SH3RF3: variants seen among roughly 807,000 people sequenced by gnomAD.
SH3RF3 encodes SH3 domain containing ring finger 3.
A neutral mutation model predicts 66.3 loss-of-function variants in SH3RF3; 29 were observed. The ratio of observed to expected loss-of-function variants is 0.44; its 90% CI spans 0.33 to 0.60. The LOEUF (loss-of-function observed/expected upper bound fraction) is 0.60, where lower values mean the gene tolerates loss of function less well. SH3RF3 is among the 20% of genes least tolerant of loss of function. The pLI is 0.04. For synonymous variants in SH3RF3, 583 were observed against 532.0 expected, an observed-to-expected ratio of 1.10 and a Z score of -1.32; for missense variants, 1,194 against 1,190.9, an observed-to-expected ratio of 1.00 and a Z score of -0.04.
At chr2:109,221,396 A>C (rs1679236984) in intron 1 of SH3RF3, among the ~76,000 whole-genome samples, 1 of 152,196 alleles carries the variant, frequency 6.6e-6, no homozygotes, top group African/African-American at 2.4e-5. Context: ...CAGCCTGGCC[A>C]ATATGGCAAA....
chr2:109,187,891 G>C (rs1236713615), intron 1 of SH3RF3, among the ~76,000 whole-genome samples: 4 of 152,170 alleles, frequency 2.6e-5, no homozygotes, highest in Non-Finnish European at 5.9e-5. Context: ...CGTCACCGTG[G>C]GTGTTAAGCC....
At chr2:109,454,362 G>C (rs1677976757) in intron 8 of SH3RF3, among the ~76,000 whole-genome samples, 2 of 152,190 alleles carry the variant, frequency 1.3e-5, no homozygotes, top group South Asian at 4.1e-4. Flanking sequence ...CTCCTGAAGG[G>C]TCTGGGCCAT....
intron 1 of SH3RF3, among the ~76,000 whole-genome samples, chr2:109,295,945 C>G (rs920973965): frequency 6.6e-6 from 1 of 152,170 alleles, no homozygotes; most frequent in East Asian, 1.9e-4. Flanking sequence ...ACACTGCTCC[C>G]TCTGTGACTG....
rs190361663 is a variant in SH3RF3 at position 109,500,911 on chromosome 2, C to T, written c.2481-592C>T. Among the ~76,000 whole-genome samples, 190 of 152,270 alleles carry T rather than the reference C, an allele frequency of 1.2e-3. 1 individual carries two copies. Among genetic ancestry groups the T allele is most frequent in the Middle Eastern group, 3.4e-3 (1 of 294 alleles). On this transcript the variant is annotated intron_variant, in intron 9 of 9. Coordinates refer to ENST00000309415, the MANE Select transcript of SH3RF3 (RefSeq NM_001099289.3). ...GCTTCGGTGAGCTAGGATCATACCA[C>T]GGCACTCCAGCCTGGGTGGAAGAGC...
At chr2:109,263,145 C>T (rs11123732) in intron 1 of SH3RF3, among the ~76,000 whole-genome samples, 36,887 of 152,132 alleles carry the variant, frequency 0.24, 4,899 homozygotes, top group East Asian at 0.46. Flanking sequence ...CACGCCCAGC[C>T]GCAATCACTT....
At chr2:109,180,960 AC>A (rs1678059264) in intron 1 of SH3RF3, among the ~76,000 whole-genome samples, 1 of 152,144 alleles carries the variant, frequency 6.6e-6, no homozygotes. Flanking sequence ...CAATATGTTT[AC>A]CCTGATGCAA....
intron 1 of SH3RF3, chr2:109,313,554 A>G (rs886557702): frequency 1.3e-5 from 2 of 154,902 alleles, no homozygotes; most frequent in Admixed American, 6.5e-5. Context: ...TGAGGAAGAC[A>G]TTGAGGCCCA....
chr2:109,200,509 A>G (rs1488227375), intron 1 of SH3RF3, among the ~76,000 whole-genome samples: 4 of 152,046 alleles, frequency 2.6e-5, no homozygotes, highest in African/African-American at 9.7e-5. Flanking sequence ...CGGCGGGTCC[A>G]AGCCTCCGAC....
chr2:109,145,128 G>T lies in SH3RF3; in HGVS notation c.573+15015G>T, dbSNP rs148311900. Among the ~76,000 whole-genome samples the T allele has an allele frequency of 3.5e-3, 526 of 152,288 alleles. 3 individuals are homozygous for T. Among genetic ancestry groups the T allele is most frequent in the Middle Eastern group, 0.01 (3 of 294 alleles). Reference sequence around the variant, plus strand: ...GTCTTCCCTCACCGGCTCTGTCTGTGTCTCCAGGTTTGGTCATTTCTTTCT... The same window carrying T: ...GTCTTCCCTCACCGGCTCTGTCTGTTTCTCCAGGTTTGGTCATTTCTTTCT... On this transcript the variant is annotated intron_variant, in intron 1 of 9. Transcript: ENST00000309415.
intron 3 of SH3RF3, among the ~76,000 whole-genome samples, chr2:109,374,718 A>G (rs938274761): frequency 1.3e-5 from 2 of 152,228 alleles, no homozygotes; most frequent in African/African-American, 2.4e-5. Flanking sequence ...CTTGGATTGC[A>G]TGAAGGTCTC....
At chr2:109,205,201 C>T (rs894709490) in intron 1 of SH3RF3, among the ~76,000 whole-genome samples, 6 of 151,214 alleles carry the variant, frequency 4.0e-5, no homozygotes, top group Non-Finnish European at 7.4e-5. Flanking sequence ...AGTGAAACTC[C>T]GTCTCTAAAA....
At chr2:109,415,615 T>A (rs1297987073) in intron 4 of SH3RF3, among the ~76,000 whole-genome samples, 3 of 152,132 alleles carry the variant, frequency 2.0e-5, no homozygotes, top group Non-Finnish European at 4.4e-5. Context: ...TGTGGCTGCC[T>A]TCTCCCTGCC....
chr2:109,499,292 G>T (rs1431645204), intron 9 of SH3RF3, among the ~76,000 whole-genome samples: 2 of 152,160 alleles, frequency 1.3e-5, no homozygotes, highest in Non-Finnish European at 2.9e-5. Flanking sequence ...GCCCTGCCAG[G>T]CCCATCTCGG....
intron 8 of SH3RF3, among the ~76,000 whole-genome samples, chr2:109,487,153 C>T (rs1679002328): frequency 6.6e-6 from 1 of 152,166 alleles, no homozygotes; most frequent in Non-Finnish European, 1.5e-5. Context: ...ACTCCCAGTC[C>T]CAGGAGAAAC....
At position 109,347,083 on chromosome 2, in the gene SH3RF3, C is replaced by T. The variant is rs572452377; in HGVS notation, c.574-591C>T. On this transcript the variant is annotated intron_variant, in intron 1 of 9. Transcript: ENST00000309415. ...CTCAGCACGACGGATGCCATGCACG[C>T]CTGCTGCTCAGCTTCAACCCCTGGA... 8.5e-5 allele frequency among the ~76,000 whole-genome samples: 13 copies of T among 152,294 alleles called. No homozygotes were observed. The South Asian group carries it at 2.3e-3, about 27-fold the overall frequency.
At chr2:109,496,317 T>A (rs909141902) in intron 9 of SH3RF3, among the ~76,000 whole-genome samples, 8 of 152,146 alleles carry the variant, frequency 5.3e-5, no homozygotes, top group Non-Finnish European at 1.0e-4. Context: ...GAGTGCTGAT[T>A]GGTGCATTTT....
chr2:109,162,588 G>A (rs1234614212), intron 1 of SH3RF3, among the ~76,000 whole-genome samples: 1 of 152,114 alleles, frequency 6.6e-6, no homozygotes, highest in Non-Finnish European at 1.5e-5. Flanking sequence ...AGTATTCCAT[G>A]GTGTATATGT....
chr2:109,268,861 A>T lies in SH3RF3; in HGVS notation c.574-78813A>T, dbSNP rs147257804. ...AGGTTTGCCAGGTTGGGTGTATTCA[A>T]TGAATTTCAGACCTAATGATATTTT... On this transcript the variant is annotated intron_variant, in intron 1 of 9. Coordinates refer to ENST00000309415, the MANE Select transcript of SH3RF3 (RefSeq NM_001099289.3). Among the ~76,000 whole-genome samples, 3 of 152,318 alleles carry T rather than the reference A, an allele frequency of 2.0e-5. No homozygotes were observed. The East Asian group carries it at 5.8e-4, about 29-fold the overall frequency.
At chr2:109,144,529 C>T (rs574487332) in intron 1 of SH3RF3, among the ~76,000 whole-genome samples, 40 of 152,326 alleles carry the variant, frequency 2.6e-4, no homozygotes, top group Non-Finnish European at 4.9e-4. Flanking sequence ...AGAGTTTGAA[C>T]GAGGTGAATA....
Sources: allele counts gnomAD v4.1 joint callset (sites outside exome capture counted in the v4.1 genomes callset), GRCh38; gene constraint gnomAD v4.1.1; transcripts MANE v1.5; gene names NCBI Gene and HGNC (gene_info 2026-07-23, HGNC 2026-07-21).